GRIA4: variants seen among roughly 807,000 people sequenced by gnomAD.
GRIA4 encodes glutamate receptor 4.
GRIA4 carries 34 observed loss-of-function variants against 104.0 expected under a neutral mutation model. The ratio of observed to expected loss-of-function variants is 0.33; its 90% CI spans 0.25 to 0.44. The LOEUF is 0.44. Ranked by LOEUF, GRIA4 falls within the 20% of genes least tolerant of loss-of-function variation. The pLI is 1.00. For missense variants in GRIA4, 750 were observed against 1,096.5 expected (o/e 0.68, Z 4.46); for synonymous variants, 386 against 381.9 (o/e 1.01, Z -0.13).
intron 3 of GRIA4, chr11:105,707,299 C>T (rs1953738693): frequency 6.5e-6 from 1 of 152,884 alleles, no homozygotes; most frequent in Non-Finnish European, 1.5e-5. Context: ...AAGATGATGC[C>T]ATACTCTTCA....
At chr11:105,808,046 T>G (rs913160150) in intron 4 of GRIA4, among the ~76,000 whole-genome samples, 1 of 152,026 alleles carries the variant, frequency 6.6e-6, no homozygotes, top group Admixed American at 6.6e-5. Context: ...AAAATTTATT[T>G]CTTTGTAATA....
rs182486345 is a variant in GRIA4 at position 105,958,553 on chromosome 11, G to A, written c.2295-13361G>A. 3.2e-3 allele frequency among the ~76,000 whole-genome samples: 483 copies of A among 152,290 alleles called. 5 individuals are homozygous for A. Among genetic ancestry groups the A allele is most frequent in the African/African-American group, 0.011 (463 of 41,554 alleles). ...AGGATTTTTGCATTGATGTTCATCA[G>A]GGATATTGGTCTAAAATTCTCTTTT... On this transcript the variant is annotated intron_variant, in intron 14 of 16. Transcript: ENST00000282499.
intron 9 of GRIA4, among the ~76,000 whole-genome samples, chr11:105,907,023 A>G (rs1360553933): frequency 1.3e-5 from 2 of 152,244 alleles, no homozygotes; most frequent in Non-Finnish European, 2.9e-5. Flanking sequence ...AACGCAAATG[A>G]CAATTACTTA....
At chr11:105,647,488 C>T (rs1020654653) in intron 3 of GRIA4, among the ~76,000 whole-genome samples, 1 of 152,098 alleles carries the variant, frequency 6.6e-6, no homozygotes, top group Admixed American at 6.6e-5. Flanking sequence ...AAGACACATG[C>T]ACATCTATGT....
chr11:105,795,345 T>C (rs1393078021), intron 4 of GRIA4, among the ~76,000 whole-genome samples: 1 of 152,150 alleles, frequency 6.6e-6, no homozygotes, highest in Non-Finnish European at 1.5e-5. Flanking sequence ...GTTATCACCA[T>C]ACACGCACAT....
At chr11:105,713,743 C>T (rs1405855154) in intron 3 of GRIA4, among the ~76,000 whole-genome samples, 1 of 152,062 alleles carries the variant, frequency 6.6e-6, no homozygotes, top group Non-Finnish European at 1.5e-5. Flanking sequence ...TTAATATATG[C>T]TAATTAACAG....
chr11:105,628,702 G>A (rs748555635), intron 3 of GRIA4, among the ~76,000 whole-genome samples: 5 of 152,136 alleles, frequency 3.3e-5, no homozygotes, highest in Non-Finnish European at 7.3e-5. Context: ...ATAGCAGTGT[G>A]AGAACAGAAT....
At chr11:105,894,463 C>G (rs1210663892) in intron 6 of GRIA4, among the ~76,000 whole-genome samples, 1 of 152,128 alleles carries the variant, frequency 6.6e-6, no homozygotes, top group Non-Finnish European at 1.5e-5. Flanking sequence ...GTGTAATACG[C>G]TTAGCACAAT....
intron 5 of GRIA4, among the ~76,000 whole-genome samples, chr11:105,884,096 A>G (rs1261343055): frequency 6.6e-6 from 1 of 152,166 alleles, no homozygotes; most frequent in East Asian, 1.9e-4. Context: ...AAATATGCAG[A>G]TTGTCTTCCC....
chr11:105,929,866 C>T (rs989852731), intron 13 of GRIA4, among the ~76,000 whole-genome samples: 2 of 152,058 alleles, frequency 1.3e-5, no homozygotes, highest in South Asian at 4.2e-4. Context: ...CTTTTAATTC[C>T]AAGAATTGTT....
At chr11:105,945,344 T>G (rs570451626) in intron 14 of GRIA4, 2 of 160,824 alleles carry the variant, frequency 1.2e-5, no homozygotes, top group African/African-American at 4.8e-5. Context: ...AAAGCCCCAG[T>G]ATATCAGACA....
intron 16 of GRIA4, 188 bp downstream of exon 16, chr11:105,974,632 GGT>G (rs1165326926): frequency 7.1e-7 from 1 of 1,403,860 alleles, no homozygotes; most frequent in Non-Finnish European, 9.8e-7. Context: ...TCTGTCCAGT[GGT>G]GGTATTGCTT....
chr11:105,785,485 A>T (rs10895875), intron 4 of GRIA4, among the ~76,000 whole-genome samples: 68,130 of 151,928 alleles, frequency 0.45, 15,798 homozygotes, highest in Middle Eastern at 0.52. Context: ...GCTATAAAGT[A>T]CCAATGGGCA....
At chr11:105,911,802 A>ATATG (rs1348037843) in intron 10 of GRIA4, 1 of 248,030 alleles carries the variant, frequency 4.0e-6, no homozygotes, top group Non-Finnish European at 7.6e-6. Flanking sequence ...ATATATATAT[A>ATATG]TATATATGTT....
chr11:105,635,722 C>G (rs909641190), intron 3 of GRIA4, among the ~76,000 whole-genome samples: 9 of 152,174 alleles, frequency 5.9e-5, no homozygotes, highest in East Asian at 1.9e-4. Context: ...TGACCCTCAT[C>G]ATCAGTGCAC....
At chr11:105,689,447 T>G (rs1953009055) in intron 3 of GRIA4, among the ~76,000 whole-genome samples, 1 of 152,174 alleles carries the variant, frequency 6.6e-6, no homozygotes, top group South Asian at 2.1e-4. Context: ...GACCTAGAAC[T>G]TGGAGTCTCA....
intron 3 of GRIA4, among the ~76,000 whole-genome samples, chr11:105,698,737 T>C (rs946271464): frequency 6.6e-6 from 1 of 152,216 alleles, no homozygotes; most frequent in African/African-American, 2.4e-5. Flanking sequence ...GCACATCATA[T>C]TGTTATCTGT....
chr11:105,862,246 T>A, intron 5 of GRIA4, 38 bp downstream of exon 5: 1 of 1,204,132 alleles, frequency 8.3e-7, no homozygotes, highest in Non-Finnish European at 1.2e-6. Context: ...CTAGACCCTA[T>A]ACAGAAAAAT....
At chr11:105,856,520 C>T (rs1945012795) in intron 4 of GRIA4, among the ~76,000 whole-genome samples, 10 of 152,102 alleles carry the variant, frequency 6.6e-5, no homozygotes, top group Admixed American at 6.6e-4. Flanking sequence ...GAAGCCTCCA[C>T]ACAACCGTTC....
Sources: gnomAD v4.1 joint callset for allele counts (sites outside exome capture counted in the v4.1 genomes callset) on GRCh38, gnomAD v4.1.1 for gene constraint, MANE v1.5 for transcripts, NCBI Gene and HGNC (gene_info 2026-07-23, HGNC 2026-07-21) for gene names.